RASGEF1B: variants seen among roughly 807,000 people sequenced by gnomAD.
The protein encoded by RASGEF1B is ras-GEF domain-containing family member 1B.
In RASGEF1B, 30 loss-of-function variants were observed where a neutral mutation model predicts 65.7. The observed-to-expected ratio is 0.46, with a 90% CI of 0.34 to 0.62. RASGEF1B has a LOEUF of 0.62. Among genes scored for constraint, RASGEF1B ranks in the 20% least tolerant of loss-of-function variants. The pLI, the probability that RASGEF1B is intolerant of heterozygous loss-of-function variation, is 0.01. For synonymous variants in RASGEF1B, 175 were observed against 194.8 expected (o/e 0.90, Z 0.85); for missense variants, 495 against 580.1 (o/e 0.85, Z 1.51).
chr4:81,468,637 CA>C (rs1302886963), intron 1 of RASGEF1B, among the ~76,000 whole-genome samples: 1 of 151,996 alleles, frequency 6.6e-6, no homozygotes, highest in African/African-American at 2.4e-5. Context: ...TAAAGAAAAA[CA>C]AAGCAAAAAG....
chr4:81,441,140 G>A (rs183919766), intron 9 of RASGEF1B, among the ~76,000 whole-genome samples: 1 of 152,264 alleles, frequency 6.6e-6, no homozygotes, highest in East Asian at 1.9e-4. Context: ...GCTGATGTCA[G>A]CTTCAATAAT....
chr4:81,466,766 A>G (rs56084647), intron 1 of RASGEF1B, among the ~76,000 whole-genome samples: 34 of 27,114 alleles, frequency 1.3e-3, no homozygotes, highest in African/African-American at 4.2e-3. Flanking sequence ...GTCAAAAAAA[A>G]AAAAAAAGAA....
chr4:81,465,162 A>G (rs962459956), intron 1 of RASGEF1B, among the ~76,000 whole-genome samples: 4 of 152,026 alleles, frequency 2.6e-5, no homozygotes, highest in African/African-American at 4.8e-5. Flanking sequence ...GAGTTAAGAG[A>G]ATAAAATAAT....
At chr4:81,471,234 A>G (rs1029147307) in intron 1 of RASGEF1B, 2 of 152,276 alleles carry the variant, frequency 1.3e-5, no homozygotes, top group Non-Finnish European at 2.9e-5. Context: ...AACAAAAATA[A>G]ACAGCTCCCC....
intron 5 of RASGEF1B, 100 bp downstream of exon 5, chr4:81,447,969 C>T: frequency 1.0e-6 from 1 of 963,454 alleles, no homozygotes; most frequent in Non-Finnish European, 1.6e-6. Context: ...TTGGATTATT[C>T]TGACCTCTCC....
intron 4 of RASGEF1B, chr4:81,454,387 A>T (rs1279134704): frequency 6.6e-6 from 1 of 152,248 alleles, no homozygotes; most frequent in Non-Finnish European, 1.5e-5. Context: ...GGAAGATAAG[A>T]TGACTGACAT....
rs917859353 is a variant in RASGEF1B, at chr4:81,427,714, C to A, written c.*54G>T. ...GAGATGCCAGAAAACAAAGGCCAGCCCCTCCATGATCTGCAGGAAGCAGCA... is the reference window on the plus strand; with the variant it reads ...GAGATGCCAGAAAACAAAGGCCAGCACCTCCATGATCTGCAGGAAGCAGCA... On this transcript the variant is annotated 3_prime_UTR_variant, in exon 14 of 14. Coordinates refer to ENST00000264400, the MANE Select transcript of RASGEF1B (RefSeq NM_152545.3). 81 of 1,608,808 alleles carry A rather than the reference C, an allele frequency of 5.0e-5. 1 individual carries two copies. Among genetic ancestry groups the A allele is most frequent in the Non-Finnish European group, 1.1e-5 (13 of 1,177,274 alleles).
intron 1 of RASGEF1B, among the ~76,000 whole-genome samples, chr4:81,466,478 T>G (rs1415029102): frequency 6.6e-6 from 1 of 151,976 alleles, no homozygotes; most frequent in East Asian, 1.9e-4. Flanking sequence ...ACGTCAAGAT[T>G]GCCAGGCGCG....
Position 81,427,722 on chromosome 4 carries a change from G to C in RASGEF1B, c.*46C>G. 2 of 1,612,082 alleles carry C rather than the reference G, an allele frequency of 1.2e-6. No individual in the cohort carries two copies. Among genetic ancestry groups the C allele is most frequent in the South Asian group, 2.2e-5 (2 of 90,990 alleles). ...AGAAAACAAAGGCCAGCCCCTCCAT[G>C]ATCTGCAGGAAGCAGCAGCAGCAGC... On this transcript the variant is annotated 3_prime_UTR_variant, in exon 14 of 14. Coordinates refer to ENST00000264400, the MANE Select transcript of RASGEF1B (RefSeq NM_152545.3).
At chr4:81,456,045 A>T (rs1204312456) in intron 4 of RASGEF1B, 3 of 156,126 alleles carry the variant, frequency 1.9e-5, no homozygotes, top group African/African-American at 7.2e-5. Flanking sequence ...TTTTCATTTA[A>T]GTCCCTCAAT....
rs541060342 is a variant in RASGEF1B, at chr4:81,462,577, G to C, written c.-6-3063C>G. On this transcript the variant is annotated intron_variant, in intron 1 of 13. Coordinates refer to ENST00000264400, the MANE Select transcript of RASGEF1B (RefSeq NM_152545.3). The stretch of plus-strand genomic sequence containing the variant: ...GCACATAGCAATAACCAACTACTGA[G>C]ATTCAAGTCACTTCAGCCCATTATT... Among the ~76,000 whole-genome samples, 18 of 152,254 alleles carry C rather than the reference G, an allele frequency of 1.2e-4. No homozygotes were observed. The East Asian group carries it at 2.5e-3, about 21-fold the overall frequency.
intron 1 of RASGEF1B, among the ~76,000 whole-genome samples, chr4:81,471,486 T>C (rs1008527145): frequency 6.6e-6 from 1 of 152,146 alleles, no homozygotes; most frequent in Non-Finnish European, 1.5e-5. Context: ...CTCGCACCTG[T>C]TGGGGCCGCG....
chr4:81,426,981 C>CAAAAAAAAAAAAA lies in RASGEF1B; in HGVS notation c.*774_*786dup, dbSNP rs546907988. 2.9e-5 allele frequency: 1 copy of CAAAAAAAAAAAAA among 34,248 alleles called. No homozygotes were observed. The highest frequency in any genetic ancestry group is 8.7e-5 in the African/African-American group (1 of 11,530). The allele number at this position is 34,248 out of a possible 1,614,324, so 2.1% of individuals were successfully genotyped here. On this transcript the variant is annotated 3_prime_UTR_variant, in exon 14 of 14. Transcript: ENST00000264400. Reference sequence around the variant, plus strand: ...GTCAGTTGTAAACAGCTCAGAAGAGCAAAAAAAAAAAAAAAAAAAAAAAAA... The same window carrying CAAAAAAAAAAAAA: ...GTCAGTTGTAAACAGCTCAGAAGAGCAAAAAAAAAAAAAAAAAAAAAAAAAAAAAAAAAAAAAA...
intron 4 of RASGEF1B, chr4:81,454,112 A>G (rs1173247571): frequency 2.6e-5 from 4 of 152,138 alleles, no homozygotes; most frequent in Admixed American, 6.5e-5. Flanking sequence ...TATGTTATTA[A>G]CCCAGGAGTG....
intron 10 of RASGEF1B, among the ~76,000 whole-genome samples, chr4:81,438,185 G>A (rs1721710317): frequency 6.6e-6 from 1 of 152,124 alleles, no homozygotes; most frequent in Non-Finnish European, 1.5e-5. Flanking sequence ...TTAAAAACCT[G>A]GAGACACAGG....
rs1341124071 is a variant in RASGEF1B, at chr4:81,443,059, A to T, written c.929-683T>A. On this transcript the variant is annotated intron_variant, in intron 8 of 13. Transcript: ENST00000264400. ...CCCAAGGATATCCAGTTAACAAGTA[A>T]CAGAGATGGAAGCTCACATGGAGCT... 2.6e-5 allele frequency among the ~76,000 whole-genome samples: 4 copies of T among 152,356 alleles called. No individual in the cohort carries two copies. The South Asian group carries it at 8.3e-4, about 32-fold the overall frequency.
At chr4:81,459,132 G>C in intron 2 of RASGEF1B, 200 bp downstream of exon 2, 1 of 495,352 alleles carries the variant, frequency 2.0e-6, no homozygotes, top group Non-Finnish European at 3.5e-6. Context: ...AAAAGAAATT[G>C]ATACACATAG....
chr4:81,444,577 G>A (rs151313928), intron 8 of RASGEF1B, among the ~76,000 whole-genome samples: 3 of 151,910 alleles, frequency 2.0e-5, no homozygotes, highest in East Asian at 1.9e-4. Flanking sequence ...TCCCTCTGTC[G>A]CCAGGCTAGA....
chr4:81,448,016 CCAAAG>C, intron 5 of RASGEF1B, 48 bp downstream of exon 5: 1 of 1,503,510 alleles, frequency 6.7e-7, no homozygotes, highest in Non-Finnish European at 9.3e-7. Flanking sequence ...CGTCTGGTTG[CCAAAG>C]CAAAGCAAAT....
Sources: gnomAD v4.1 joint callset for allele counts (sites outside exome capture counted in the v4.1 genomes callset) on GRCh38, gnomAD v4.1.1 for gene constraint, MANE v1.5 for transcripts, NCBI Gene and HGNC (gene_info 2026-07-23, HGNC 2026-07-21) for gene names.